The following SLC8A1 variants were observed in gnomAD, a reference collection of about 807,000 sequenced individuals.
SLC8A1 encodes solute carrier family 8 member A1.
SLC8A1 carries 18 observed loss-of-function variants against 68.3 expected under a neutral mutation model. The ratio of observed to expected loss-of-function variants is 0.26; its 90% CI spans 0.18 to 0.39. The LOEUF (loss-of-function observed/expected upper bound fraction) is 0.39. SLC8A1 is among the 10% of genes least tolerant of loss of function. The pLI is 1.00. For synonymous variants in SLC8A1, 475 were observed against 415.5 expected, an observed-to-expected ratio of 1.14 and a Z score of -1.74; for missense variants, 985 against 1,156.7, an observed-to-expected ratio of 0.85 and a Z score of 2.15.
chr2:40,102,462 A>T (rs576027093), exon 8 of SLC8A1: 1 of 152,074 alleles, frequency 6.6e-6, no homozygotes, highest in Non-Finnish European at 1.5e-5. Context: ...GGGGCAATGC[A>T]TGAAATTCAG....
At chr2:40,146,384 G>C (rs1374066834) in intron 6 of SLC8A1, among the ~76,000 whole-genome samples, 1 of 152,114 alleles carries the variant, frequency 6.6e-6, no homozygotes, top group Non-Finnish European at 1.5e-5. Context: ...AGAGTCTCTG[G>C]CAGTCAGCTC....
At chr2:40,220,524 A>C (rs930977503) in intron 2 of SLC8A1, 3 of 152,220 alleles carry the variant, frequency 2.0e-5, no homozygotes, top group Admixed American at 2.0e-4. Context: ...TCTGGAGACT[A>C]GTTGAATTTT....
intron 2 of SLC8A1, chr2:40,223,866 G>A (rs1297750387): frequency 6.6e-6 from 1 of 152,058 alleles, no homozygotes; most frequent in Non-Finnish European, 1.5e-5. Flanking sequence ...TGTATTAGAA[G>A]TGAGCATGTT....
intron 2 of SLC8A1, among the ~76,000 whole-genome samples, chr2:40,239,325 A>G (rs1342778463): frequency 6.6e-6 from 1 of 152,166 alleles, no homozygotes; most frequent in Non-Finnish European, 1.5e-5. Context: ...TGAGTGGCAC[A>G]CACCAAGATC....
At chr2:40,315,311 C>T (rs908137117) in intron 2 of SLC8A1, among the ~76,000 whole-genome samples, 2 of 151,624 alleles carry the variant, frequency 1.3e-5, no homozygotes, top group African/African-American at 2.4e-5. Flanking sequence ...ATATGGTTAA[C>T]ATTTTATTAT....
chr2:40,124,023 G>A (rs1658798962), intron 7 of SLC8A1, among the ~76,000 whole-genome samples: 1 of 151,948 alleles, frequency 6.6e-6, no homozygotes, highest in African/African-American at 2.4e-5. Context: ...TCTATTTCTG[G>A]AACATCCATC....
At chr2:40,492,000 G>A (rs1705347819) in intron 1 of SLC8A1, among the ~76,000 whole-genome samples, 1 of 152,020 alleles carries the variant, frequency 6.6e-6, no homozygotes, top group African/African-American at 2.4e-5. Flanking sequence ...CTACTTTAAA[G>A]TTCATATGGA....
chr2:40,157,205 C>T (rs2044703695), intron 6 of SLC8A1, among the ~76,000 whole-genome samples: 1 of 152,204 alleles, frequency 6.6e-6, no homozygotes, highest in South Asian at 2.1e-4. Context: ...AAACAACCAA[C>T]TTTGGCGTTT....
chr2:40,420,876 T>A (rs189557982), intron 2 of SLC8A1, among the ~76,000 whole-genome samples: 6 of 152,280 alleles, frequency 3.9e-5, no homozygotes, highest in Admixed American at 1.3e-4. Flanking sequence ...GCAGTGCTGC[T>A]GAATTCTGGA....
At chr2:40,497,178 A>C (rs893552735) in intron 1 of SLC8A1, among the ~76,000 whole-genome samples, 1 of 152,156 alleles carries the variant, frequency 6.6e-6, no homozygotes. Context: ...TAAATAAAGA[A>C]GGGAAAGACC....
At chr2:40,391,666 G>A (rs1171572555) in intron 2 of SLC8A1, among the ~76,000 whole-genome samples, 2 of 152,022 alleles carry the variant, frequency 1.3e-5, no homozygotes, top group Admixed American at 1.3e-4. Flanking sequence ...CAATCATTCT[G>A]CTTCCATATC....
At chr2:40,465,902 G>A (rs1703641850) in intron 1 of SLC8A1, among the ~76,000 whole-genome samples, 1 of 152,086 alleles carries the variant, frequency 6.6e-6, no homozygotes, top group African/African-American at 2.4e-5. Flanking sequence ...AATATAGAAC[G>A]GTCTTTTGGG....
At chr2:40,270,542 T>C (rs1035080810) in intron 2 of SLC8A1, among the ~76,000 whole-genome samples, 4 of 152,198 alleles carry the variant, frequency 2.6e-5, no homozygotes, top group South Asian at 2.1e-4. Flanking sequence ...GTCAGCAACA[T>C]TGCATCTCTC....
intron 2 of SLC8A1, among the ~76,000 whole-genome samples, chr2:40,306,373 CTT>C (rs778123071): frequency 8.6e-5 from 13 of 150,932 alleles, no homozygotes; most frequent in Non-Finnish European, 1.6e-4. Context: ...AAGGGTCTGA[CTT>C]TGAGGCAGAA....
At chr2:40,182,522 A>G (rs2049812677) in intron 2 of SLC8A1, among the ~76,000 whole-genome samples, 1 of 152,244 alleles carries the variant, frequency 6.6e-6, no homozygotes, top group East Asian at 1.9e-4. Flanking sequence ...GTTAAGAAAG[A>G]TCAATTTATT....
chr2:40,111,280 C>T (rs369577450), exon 8 of SLC8A1: 4 of 152,034 alleles, frequency 2.6e-5, no homozygotes, highest in Non-Finnish European at 2.9e-5. Context: ...GGTTGTTAGA[C>T]GGTCAAGGAG....
intron 2 of SLC8A1, among the ~76,000 whole-genome samples, chr2:40,232,059 T>G (rs2059719977): frequency 6.6e-6 from 1 of 152,002 alleles, no homozygotes; most frequent in East Asian, 1.9e-4. Context: ...CAGGAAGATT[T>G]TAGCAGGAAA....
At chr2:40,165,115 G>A (rs2046330441) in intron 4 of SLC8A1, 131 bp from the exon 8 acceptor site, 10 of 1,072,832 alleles carry the variant, frequency 9.3e-6, no homozygotes, top group East Asian at 2.4e-5. Flanking sequence ...GTGAGATCAC[G>A]ATGCTGGAGG....
chr2:40,155,714 T>A (rs1429753373), intron 6 of SLC8A1, among the ~76,000 whole-genome samples: 2 of 152,318 alleles, frequency 1.3e-5, no homozygotes, highest in East Asian at 3.9e-4. Flanking sequence ...TTGAGGATAT[T>A]AATCCACAAA....
Sources: gnomAD v4.1 joint callset for allele counts (sites outside exome capture counted in the v4.1 genomes callset) on GRCh38, gnomAD v4.1.1 for gene constraint, MANE v1.5 for transcripts, NCBI Gene and HGNC (gene_info 2026-07-23, HGNC 2026-07-21) for gene names.